MITF: variants seen among roughly 807,000 people sequenced by gnomAD.
The protein encoded by MITF is microphthalmia-associated transcription factor.
In MITF, 17 loss-of-function variants were observed where a neutral mutation model predicts 60.5. The ratio of observed to expected loss-of-function variants is 0.28; its 90% CI spans 0.19 to 0.42. The LOEUF (loss-of-function observed/expected upper bound fraction) is 0.42. Among genes scored for constraint, MITF ranks in the 10% least tolerant of loss-of-function variants. The pLI is 1.00. For missense variants in MITF, 622 were observed against 683.5 expected (o/e 0.91, Z 1.00); for synonymous variants, 260 against 248.5 (o/e 1.05, Z -0.43).
chr3:69,921,505 A>G (rs2065467745), intron 2 of MITF, among the ~76,000 whole-genome samples: 2 of 152,202 alleles, frequency 1.3e-5, no homozygotes, highest in Non-Finnish European at 2.9e-5. Flanking sequence ...TTCTTGATTT[A>G]TAGCATAGCT....
At chr3:69,799,343 T>A (rs79350678) in intron 1 of MITF, among the ~76,000 whole-genome samples, 1 of 152,152 alleles carries the variant, frequency 6.6e-6, no homozygotes, top group South Asian at 2.1e-4. Context: ...AGGAAATAGT[T>A]GTGGAGTGTT....
intron 1 of MITF, among the ~76,000 whole-genome samples, chr3:69,786,111 A>G (rs1273445477): frequency 2.0e-5 from 3 of 152,230 alleles, no homozygotes; most frequent in African/African-American, 7.2e-5. Flanking sequence ...TTTAAGTAGC[A>G]CATTCCACTC....
chr3:69,959,255 C>A lies in MITF; in HGVS notation c.1032-18C>A. ...CTCAAATCCTAAAAATATCTGTTTT[C>A]CTCCATTTTCATCGCAGAGACATGC... is the stretch of plus-strand genomic sequence containing the variant. On this transcript the variant is annotated intron_variant, in intron 8 of 9. Transcript: ENST00000352241. 1.2e-6 allele frequency: 2 copies of A among 1,613,566 alleles called. No homozygotes were observed. Among genetic ancestry groups the A allele is most frequent in the Non-Finnish European group, 1.7e-6 (2 of 1,179,756 alleles).
chr3:69,958,072 A>T (rs563992725), intron 8 of MITF, among the ~76,000 whole-genome samples: 6 of 152,102 alleles, frequency 3.9e-5, no homozygotes, highest in East Asian at 1.9e-4. Flanking sequence ...AAGTTTGAAA[A>T]CCCTTTCTTA....
chr3:69,945,821 G>A (rs968867035), intron 5 of MITF, among the ~76,000 whole-genome samples: 1 of 152,146 alleles, frequency 6.6e-6, no homozygotes, highest in African/African-American at 2.4e-5. Flanking sequence ...AATACCTCCA[G>A]ATATTGATCC....
At chr3:69,764,132 G>T (rs899742764) in intron 1 of MITF, among the ~76,000 whole-genome samples, 1 of 152,152 alleles carries the variant, frequency 6.6e-6, no homozygotes, top group African/African-American at 2.4e-5. Flanking sequence ...AGTTCCACTG[G>T]ATCATTTGAT....
At chr3:69,778,810 T>C (rs2062517494) in intron 1 of MITF, 2 of 152,198 alleles carry the variant, frequency 1.3e-5, no homozygotes, top group African/African-American at 2.4e-5. Context: ...CATTTTTTTT[T>C]CTCTCAGATT....
At chr3:69,787,588 A>G (rs1397585472) in intron 1 of MITF, among the ~76,000 whole-genome samples, 1 of 152,096 alleles carries the variant, frequency 6.6e-6, no homozygotes, top group Non-Finnish European at 1.5e-5. Flanking sequence ...ATTAAGTTGA[A>G]TCTGTATCTG....
chr3:69,771,141 G>A (rs1481510290), intron 1 of MITF, among the ~76,000 whole-genome samples: 1 of 152,080 alleles, frequency 6.6e-6, no homozygotes, highest in African/African-American at 2.4e-5. Context: ...TATTTATTGT[G>A]CACCTGCTGT....
At chr3:69,754,251 C>T (rs1342855110) in intron 1 of MITF, among the ~76,000 whole-genome samples, 2 of 151,598 alleles carry the variant, frequency 1.3e-5, no homozygotes, top group African/African-American at 2.4e-5. Flanking sequence ...GAGTCTCACT[C>T]TGTCACCCAG....
intron 2 of MITF, chr3:69,936,703 G>GA: frequency 6.2e-7 from 1 of 1,613,488 alleles, no homozygotes; most frequent in Middle Eastern, 1.7e-4. Context: ...CACTGGATTG[G>GA]TGCCACCTAA....
intron 5 of MITF, among the ~76,000 whole-genome samples, chr3:69,946,964 C>A (rs576565686): frequency 6.6e-6 from 1 of 152,146 alleles, no homozygotes. Context: ...AGCATTCTCT[C>A]TCTCAGTCAT....
intron 1 of MITF, among the ~76,000 whole-genome samples, chr3:69,768,764 C>G (rs1433430236): frequency 2.6e-5 from 4 of 152,178 alleles, no homozygotes; most frequent in Non-Finnish European, 5.9e-5. Context: ...CTCACATTCC[C>G]TATCCAACCC....
intron 1 of MITF, among the ~76,000 whole-genome samples, chr3:69,757,857 C>A (rs2062149422): frequency 6.6e-6 from 1 of 151,406 alleles, no homozygotes; most frequent in African/African-American, 2.4e-5. Flanking sequence ...TAATGGGGAG[C>A]AGGAAGGGTC....
intron 1 of MITF, among the ~76,000 whole-genome samples, chr3:69,837,569 T>C (rs2063559149): frequency 6.6e-6 from 1 of 152,216 alleles, no homozygotes. Context: ...GTAATAAAAA[T>C]AGTTAAAGTT....
chr3:69,936,984 A>G (rs1328709654), intron 2 of MITF: 2 of 444,674 alleles, frequency 4.5e-6, no homozygotes, highest in Non-Finnish European at 8.0e-6. Flanking sequence ...GTGTGGCTAA[A>G]CTATCTTCAT....
rs1189149192 is a variant in MITF, at chr3:69,879,363, G to T, written c.334G>T (p.Val112Leu). 3 of 1,614,078 alleles carry T rather than the reference G, an allele frequency of 1.9e-6. No individual in the cohort carries two copies. Among genetic ancestry groups the T allele is most frequent in the Non-Finnish European group, 2.5e-6 (3 of 1,180,042 alleles). The change falls in exon 2 of 10, where the codon GTG (valine) becomes TTG (leucine). Residue 112 changes from valine to leucine, a missense_variant. This residue lies in a region of MITF where 149 missense variants were observed against 157.8 expected (regional missense o/e 0.94). Transcript: ENST00000352241. ...VPTTLPSATQVPMEVLKVQTH... is the reference protein window; with the variant it reads ...VPTTLPSATQLPMEVLKVQTH... ...CACCACCCTTCCCTCTGCCACGCAG[G>T]TGCCGATGGAAGTCCTTAAGGTACG...
intron 1 of MITF, among the ~76,000 whole-genome samples, chr3:69,821,362 G>A (rs1243479639): frequency 1.3e-5 from 2 of 152,008 alleles, no homozygotes; most frequent in African/African-American, 4.8e-5. Context: ...TTGTTTTGTG[G>A]GTTGCTGCCC....
intron 1 of MITF, among the ~76,000 whole-genome samples, chr3:69,857,802 T>G (rs531443657): frequency 3.4e-4 from 52 of 152,270 alleles, no homozygotes; most frequent in African/African-American, 1.0e-3. Flanking sequence ...ACATAGGAGG[T>G]GCTCAATAAA....
Sources: gnomAD v4.1 joint callset for allele counts (sites outside exome capture counted in the v4.1 genomes callset) on GRCh38, gnomAD v4.1.1 for gene constraint, gnomAD v4.1.1 regional missense constraint, MANE v1.5 for transcripts, NCBI Gene and HGNC (gene_info 2026-07-23, HGNC 2026-07-21) for gene names.